ANK2: variants seen among roughly 807,000 people sequenced by gnomAD.
ANK2 encodes ankyrin 2, also known as ankyrin-2.
Under a neutral mutation model 360.5 loss-of-function variants are expected in ANK2, and 83 were observed. The observed-to-expected ratio is 0.23, with a 90% CI of 0.19 to 0.28. ANK2 has a LOEUF of 0.28. Ranked by LOEUF, ANK2 falls within the 10% of genes least tolerant of loss-of-function variation. The probability of loss-of-function intolerance (pLI) is 1.00; values close to 1 mark genes in which losing one functional copy is unlikely to be tolerated. For synonymous variants in ANK2, 1,740 were observed against 1,759.5 expected, an observed-to-expected ratio of 0.99 and a Z score of 0.28; for missense variants, 4,201 against 4,795.7, an observed-to-expected ratio of 0.88 and a Z score of 3.66.
At chr4:112,778,399 C>T in the ANK2 span, among the ~76,000 whole-genome samples, 788 of 151,484 alleles carry the variant, frequency 5.2e-3, 9 homozygotes, top group Non-Finnish European at 8.3e-3. Context: ...CTTGAACCCC[C>T]AACCTCAAGT....
intron 38 of ANK2, among the ~76,000 whole-genome samples, chr4:113,359,895 G>T (rs1172617976): frequency 6.6e-6 from 1 of 152,108 alleles, no homozygotes; most frequent in African/African-American, 2.4e-5. Flanking sequence ...TTTCATTTAT[G>T]TGGTAGATGA....
At chr4:112,749,904 C>A in the ANK2 span, among the ~76,000 whole-genome samples, 1 of 152,108 alleles carries the variant, frequency 6.6e-6, no homozygotes, top group South Asian at 2.1e-4. Flanking sequence ...CACCACCACG[C>A]CCAGCTAATT....
At chr4:113,069,093 G>T (rs560186537) in intron 1 of ANK2, among the ~76,000 whole-genome samples, 104 of 152,116 alleles carry the variant, frequency 6.8e-4, no homozygotes, top group African/African-American at 2.3e-3. Flanking sequence ...GAAAAGAAAA[G>T]AGAGGAGAGG....
Position 113,353,252 on chromosome 4 carries a change from C to T in ANK2, c.4634C>T (p.Pro1545Leu), listed in dbSNP as rs1488808229. The T allele has an allele frequency of 2.5e-6, 4 of 1,613,894 alleles. No homozygotes were observed. Among genetic ancestry groups the T allele is most frequent in the Non-Finnish European group, 3.4e-6 (4 of 1,179,942 alleles). ...KELVKAAEEE[P>L]GEPFEIVERV... The stretch of plus-strand genomic sequence containing the variant: ...CTGGTGAAGGCTGCTGAGGAAGAGC[C>T]AGGAGAGCCTTTTGAAATCGTTGAA... The change falls in exon 38 of 46, where the codon CCA becomes CTA. Residue 1545 changes from proline to leucine, a missense_variant. Transcript: ENST00000357077.
intron 2 of ANK2, among the ~76,000 whole-genome samples, chr4:112,970,562 G>T (rs946214676): frequency 1.3e-5 from 2 of 152,020 alleles, no homozygotes; most frequent in Non-Finnish European, 2.9e-5. Flanking sequence ...CATCATATTG[G>T]CCAGGCTTGT....
chr4:113,250,757 C>T lies in ANK2; in HGVS notation c.990+895C>T, dbSNP rs1475760089. On this transcript the variant is annotated intron_variant, in intron 10 of 45. Coordinates refer to ENST00000357077, the MANE Select transcript of ANK2 (RefSeq NM_001148.6). Reference sequence around the variant, plus strand: ...ATTCCATTCCACCTCATACCACCGCCCCCCCCCCCGACAGAGTTGGTATCA... The same window carrying T: ...ATTCCATTCCACCTCATACCACCGCTCCCCCCCCCGACAGAGTTGGTATCA... Among the ~76,000 whole-genome samples the T allele has an allele frequency of 4.1e-5, 5 of 123,276 alleles. 2 individuals are homozygous for T. Among genetic ancestry groups the T allele is most frequent in the Non-Finnish European group, 7.1e-5 (4 of 56,618 alleles). 80.9% of individuals were successfully genotyped at this position (123,276 alleles called of 152,430 possible).
chr4:112,942,921 A>C (rs1337373735), intron 2 of ANK2, among the ~76,000 whole-genome samples: 1 of 152,030 alleles, frequency 6.6e-6, no homozygotes, highest in Non-Finnish European at 1.5e-5. Context: ...CTGCAATCTA[A>C]AGTATTATCA....
At chr4:112,930,867 G>A (rs1337043506) in intron 2 of ANK2, among the ~76,000 whole-genome samples, 3 of 149,478 alleles carry the variant, frequency 2.0e-5, no homozygotes, top group Admixed American at 6.7e-5. Context: ...CAGCCTGGGC[G>A]ACAGAGCAAG....
At chr4:113,173,632 C>A (rs189640970) in intron 1 of ANK2, among the ~76,000 whole-genome samples, 1 of 152,160 alleles carries the variant, frequency 6.6e-6, no homozygotes, top group Non-Finnish European at 1.5e-5. Flanking sequence ...CAACTCTCTT[C>A]GGACTTTTCA....
chr4:113,358,066 G>T lies in ANK2; in HGVS notation c.9448G>T (p.Gly3150Trp). The T allele has an allele frequency of 6.2e-7, 1 of 1,614,048 alleles. No homozygotes were observed. Among genetic ancestry groups the T allele is most frequent in the Non-Finnish European group, 8.5e-7 (1 of 1,179,972 alleles). Residue 3150 changes from glycine (G) to tryptophan (W), a missense_variant, in exon 38 of 46, where the codon GGG (glycine) becomes TGG (tryptophan). By Grantham distance (184) the Gly-to-Trp change is radical. Around this residue, in one of 4 missense-constraint regions of ANK2, gnomAD observed 2,642 missense variants for 2,714.5 expected, o/e 0.97. Coordinates refer to ENST00000357077, the MANE Select transcript of ANK2 (RefSeq NM_001148.6). The stretch of plus-strand genomic sequence containing the variant: ...GACTCTCTCTGAAGATGTGAAAGAA[G>T]GGGCTACTGGGGCTGATCCCCTACC... ...EETLSEDVKE[G>W]ATGADPLPLE...
At chr4:113,333,029 T>C (rs2092823326) in intron 28 of ANK2, 25 bp from the exon 29 acceptor site, 1 of 1,614,000 alleles carries the variant, frequency 6.2e-7, no homozygotes, top group African/African-American at 1.3e-5. Context: ...CTGTCCACAC[T>C]GAATGTTCTG....
chr4:112,923,234 T>C (rs1487561685), intron 2 of ANK2, among the ~76,000 whole-genome samples: 1 of 152,198 alleles, frequency 6.6e-6, no homozygotes, highest in Non-Finnish European at 1.5e-5. Flanking sequence ...CTTTAAAAAT[T>C]GCTCTAAGGG....
At chr4:112,939,057 T>A (rs1473880683) in intron 2 of ANK2, among the ~76,000 whole-genome samples, 2 of 152,242 alleles carry the variant, frequency 1.3e-5, no homozygotes, top group Non-Finnish European at 2.9e-5. Context: ...GAGTTGGTTT[T>A]CTTTTTTGTG....
rs1462636503 is a variant in ANK2 at position 113,292,529 on chromosome 4, A to C, written c.2376+15A>C. 3 of 1,585,184 alleles carry C rather than the reference A, an allele frequency of 1.9e-6. No homozygotes were observed. The highest frequency in any genetic ancestry group is 2.6e-6 in the Non-Finnish European group (3 of 1,161,392). ...CCACCACTGCGGTAAGGCAGACGCC[A>C]CTGCCCCTCACCACGCTTTCTTCTT... On this transcript the variant is annotated intron_variant, in intron 21 of 45. Coordinates refer to ENST00000357077, the MANE Select transcript of ANK2 (RefSeq NM_001148.6).
chr4:113,035,684 C>T (rs1346585995), intron 2 of ANK2, among the ~76,000 whole-genome samples: 1 of 151,596 alleles, frequency 6.6e-6, no homozygotes, highest in African/African-American at 2.4e-5. Context: ...ATACAACTGT[C>T]TGGAAATAAG....
At chr4:112,747,584 A>G in the ANK2 span, among the ~76,000 whole-genome samples, 1 of 152,226 alleles carries the variant, frequency 6.6e-6, no homozygotes, top group Non-Finnish European at 1.5e-5. Context: ...ACTACATTTA[A>G]GAGTGGATTC....
chr4:113,144,283 C>T (rs1471667521), intron 1 of ANK2, among the ~76,000 whole-genome samples: 1 of 152,014 alleles, frequency 6.6e-6, no homozygotes, highest in African/African-American at 2.4e-5. Context: ...TTATTCAAAA[C>T]CAGATTGACA....
In ANK2 at chr4:113,381,937, A is replaced by T; in HGVS notation, c.*466A>T. 3.0e-6 allele frequency: 1 copy of T among 336,280 alleles called. No homozygotes were observed. The highest frequency in any genetic ancestry group is 2.5e-5 in the South Asian group (1 of 39,268). 20.8% of individuals were successfully genotyped at this position (336,280 alleles called of 1,614,324 possible). A position where few individuals can be genotyped will look rare whatever the true frequency, so the allele number is the denominator to read the frequency against. ...TTGCTTCTGCACAAGATCCATGAAA[A>T]TCCATTGATCAGAAGAACTTCACCT... On this transcript the variant is annotated 3_prime_UTR_variant, in exon 46 of 46. Coordinates refer to ENST00000357077, the MANE Select transcript of ANK2 (RefSeq NM_001148.6).
At chr4:113,052,856 A>G (rs1247643378) in intron 1 of ANK2, among the ~76,000 whole-genome samples, 2 of 152,220 alleles carry the variant, frequency 1.3e-5, no homozygotes, top group Non-Finnish European at 2.9e-5. Flanking sequence ...AGAGGGTTCA[A>G]GAGACTGGTG....
Sources: allele counts gnomAD v4.1 joint callset (sites outside exome capture counted in the v4.1 genomes callset), GRCh38; gene constraint gnomAD v4.1.1; regional missense constraint gnomAD v4.1.1; transcripts MANE v1.5; gene names NCBI Gene and HGNC (gene_info 2026-07-23, HGNC 2026-07-21).